EHD2: variants seen among roughly 807,000 people sequenced by gnomAD.
EHD2 encodes EH domain-containing protein 2.
A neutral mutation model predicts 41.0 loss-of-function variants in EHD2; 27 were observed. That is an observed-to-expected ratio of 0.66 (90% CI 0.49 to 0.91). EHD2 has a LOEUF of 0.91. EHD2 is among the 40% of genes least tolerant of loss of function. EHD2 has a pLI of 0.00. For missense variants in EHD2, 673 were observed against 773.9 expected (o/e 0.87, Z 1.55); for synonymous variants, 342 against 341.0 (o/e 1.00, Z -0.03).
rs777256260 is a variant in EHD2 at position 47,717,019 on chromosome 19, G to A, written c.404+3G>A. ...TTCGGAAACACCTTCCTCAACAGGT[G>A]TGCCAGCCGCGAGCCCAGGGCGCAT... On this transcript the variant is annotated splice_donor_region_variant and intron_variant, in intron 2 of 5. Transcript: ENST00000263277. 3.1e-6 allele frequency: 5 copies of A among 1,599,470 alleles called. No homozygotes were observed. Among genetic ancestry groups the A allele is most frequent in the Non-Finnish European group, 4.2e-6 (5 of 1,179,914 alleles).
chr19:47,726,380 T>C, intron 4 of EHD2, 156 bp downstream of exon 4: 1 of 821,298 alleles, frequency 1.2e-6, no homozygotes, highest in East Asian at 2.9e-5. Context: ...GAGGAAGAAC[T>C]GTATGGAGAG....
At chr19:47,734,084 G>A (rs578200171) in intron 4 of EHD2, among the ~76,000 whole-genome samples, 105 of 152,334 alleles carry the variant, frequency 6.9e-4, no homozygotes, top group Non-Finnish European at 1.1e-3. Flanking sequence ...TGGGGAGCTG[G>A]GAGACCTGTC....
At chr19:47,723,719 G>T (rs1330454794) in intron 3 of EHD2, among the ~76,000 whole-genome samples, 1 of 148,638 alleles carries the variant, frequency 6.7e-6, no homozygotes, top group African/African-American at 2.5e-5. Context: ...TGCTCTGTCT[G>T]CAGGCTGGAG....
chr19:47,731,728 CT>C (rs1191917289), intron 4 of EHD2, among the ~76,000 whole-genome samples: 1 of 151,260 alleles, frequency 6.6e-6, no homozygotes, highest in Non-Finnish European at 1.5e-5. Context: ...CCCAGGGCCT[CT>C]TTTCTAGAGG....
intron 2 of EHD2, among the ~76,000 whole-genome samples, chr19:47,717,524 C>T (rs1973642031): frequency 6.6e-6 from 1 of 152,184 alleles, no homozygotes. Context: ...AGTCAGTATG[C>T]CTGGTTCAAA....
intron 3 of EHD2, among the ~76,000 whole-genome samples, chr19:47,720,567 A>G (rs1197811909): frequency 1.3e-5 from 2 of 151,326 alleles, no homozygotes; most frequent in Non-Finnish European, 2.9e-5. Flanking sequence ...ATACTGTTAT[A>G]TTGTGACGTG....
intron 4 of EHD2, among the ~76,000 whole-genome samples, chr19:47,731,912 C>G (rs928530186): frequency 6.6e-6 from 1 of 151,502 alleles, no homozygotes; most frequent in Non-Finnish European, 1.5e-5. Flanking sequence ...CTCAGCCTCC[C>G]GAGTAGCTGG....
At chr19:47,740,436 C>CA (rs113444396) in intron 5 of EHD2, among the ~76,000 whole-genome samples, 14,098 of 148,214 alleles carry the variant, frequency 0.095, 2,116 homozygotes, top group African/African-American at 0.32. Flanking sequence ...GAGACCCTGT[C>CA]AAAAAAAAAC....
chr19:47,734,059 G>A (rs1185554195), intron 4 of EHD2, among the ~76,000 whole-genome samples: 1 of 152,218 alleles, frequency 6.6e-6, no homozygotes, highest in Non-Finnish European at 1.5e-5. Flanking sequence ...TGGAGCAAGG[G>A]TTATTGGGGC....
chr19:47,716,843 C>A lies in EHD2; in HGVS notation c.231C>A (p.Tyr77Ter). 1.2e-6 allele frequency: 2 copies of A among 1,609,930 alleles called. No homozygotes were observed. The highest frequency in any genetic ancestry group is 8.5e-7 in the Non-Finnish European group (1 of 1,177,942). Residue 77 changes from tyrosine to a stop codon, truncating the protein, a stop_gained, in exon 2 of 6, where the codon TAC (tyrosine) becomes TAA (stop). Transcript: ENST00000263277. LOFTEE classifies it high-confidence loss of function. Reference sequence around the variant, plus strand: ...CGGGCAAGACCAGCTTCATCCAGTACCTGCTGGAGCAGGAGGTGCCCGGCT... The same window carrying A: ...CGGGCAAGACCAGCTTCATCCAGTAACTGCTGGAGCAGGAGGTGCCCGGCT... ...YSTGKTSFIQYLLEQEVPGSR... is the reference protein window; with the variant it reads ...YSTGKTSFIQ
intron 3 of EHD2, among the ~76,000 whole-genome samples, chr19:47,722,577 T>TG (rs922237652): frequency 6.6e-6 from 1 of 151,686 alleles, no homozygotes; most frequent in Non-Finnish European, 1.5e-5. Context: ...CTCTTTTTTT[T>TG]TTTTTGAGAC....
intron 4 of EHD2, among the ~76,000 whole-genome samples, chr19:47,733,319 T>C (rs1364520469): frequency 6.6e-6 from 1 of 151,380 alleles, no homozygotes; most frequent in South Asian, 2.1e-4. Flanking sequence ...CACTGTAGCC[T>C]TGACCTCCCC....
chr19:47,715,643 T>C (rs1423417830), intron 1 of EHD2, among the ~76,000 whole-genome samples: 1 of 152,120 alleles, frequency 6.6e-6, no homozygotes, highest in Non-Finnish European at 1.5e-5. Flanking sequence ...ATGAAGCGAT[T>C]AAGGAATCCG....
chr19:47,725,706 T>C (rs1336440145), intron 3 of EHD2, 106 bp from the exon 4 acceptor site: 1 of 1,419,806 alleles, frequency 7.0e-7, no homozygotes, highest in African/African-American at 1.4e-5. Flanking sequence ...AACGTGAACA[T>C]CTTTACAGTC....
intron 3 of EHD2, among the ~76,000 whole-genome samples, chr19:47,724,290 C>A (rs1424211990): frequency 6.6e-6 from 1 of 151,974 alleles, no homozygotes; most frequent in African/African-American, 2.4e-5. Flanking sequence ...AACTCCTGGC[C>A]TCAATTGATC....
At chr19:47,737,483 C>T (rs1378383453) in intron 5 of EHD2, among the ~76,000 whole-genome samples, 1 of 151,312 alleles carries the variant, frequency 6.6e-6, no homozygotes, top group Admixed American at 6.6e-5. Context: ...ATGGTGAAAC[C>T]CCGTCTGTAC....
intron 4 of EHD2, among the ~76,000 whole-genome samples, chr19:47,733,622 G>C (rs1265824500): frequency 3.3e-5 from 5 of 150,968 alleles, no homozygotes; most frequent in Non-Finnish European, 7.4e-5. Context: ...AGCCGAGATT[G>C]AGCCACTGCA....
At chr19:47,725,785 G>A (rs909945966) in intron 3 of EHD2, 27 bp from the exon 4 acceptor site, 50 of 1,553,796 alleles carry the variant, frequency 3.2e-5, no homozygotes, top group Non-Finnish European at 4.1e-5. Flanking sequence ...TGCCCCTTGC[G>A]CCCCTGTCTC....
At chr19:47,737,532 C>G (rs1006434621) in intron 5 of EHD2, among the ~76,000 whole-genome samples, 19 of 151,570 alleles carry the variant, frequency 1.3e-4, no homozygotes, top group African/African-American at 3.9e-4. Context: ...TGTTGCGTGC[C>G]TGTAGTCCCA....
Sources: allele counts gnomAD v4.1 joint callset (sites outside exome capture counted in the v4.1 genomes callset), GRCh38; gene constraint gnomAD v4.1.1; transcripts MANE v1.5; gene names NCBI Gene and HGNC (gene_info 2026-07-23, HGNC 2026-07-21).